ANK3: variants seen among roughly 807,000 people sequenced by gnomAD.
The protein encoded by ANK3 is ankyrin-3.
Under a neutral mutation model 370.9 loss-of-function variants are expected in ANK3, and 57 were observed. The ratio of observed to expected loss-of-function variants is 0.15; its 90% confidence interval spans 0.12 to 0.19. The LOEUF (loss-of-function observed/expected upper bound fraction) is 0.19, where lower values mean the gene tolerates loss of function less well. Among genes scored for constraint, ANK3 ranks in the 10% least tolerant of loss-of-function variants. The pLI, the probability that ANK3 is intolerant of heterozygous loss-of-function variation, is 1.00. For synonymous variants in ANK3, 1,929 were observed against 1,946.3 expected (o/e 0.99, Z 0.23); for missense variants, 4,439 against 5,302.1 (o/e 0.84, Z 5.06).
chr10:60,287,589 C>T (rs1392855060), intron 1 of ANK3, among the ~76,000 whole-genome samples: 1 of 152,214 alleles, frequency 6.6e-6, no homozygotes, highest in Non-Finnish European at 1.5e-5. Flanking sequence ...TCTTACTATA[C>T]ATGCATTATC....
intron 1 of ANK3, among the ~76,000 whole-genome samples, chr10:60,353,750 C>G (rs530871682): frequency 7.9e-5 from 12 of 152,338 alleles, no homozygotes; most frequent in African/African-American, 2.6e-4. Context: ...ATCACACGGG[C>G]AGTTTTTAGA....
chr10:60,290,378 C>T (rs922350481), intron 1 of ANK3, among the ~76,000 whole-genome samples: 9 of 147,136 alleles, frequency 6.1e-5, no homozygotes, highest in African/African-American at 2.2e-4. Flanking sequence ...TTAGGAAAGA[C>T]CTCAGATTAT....
chr10:60,245,433 A>G (rs946033544), intron 7 of ANK3, among the ~76,000 whole-genome samples: 2 of 152,210 alleles, frequency 1.3e-5, no homozygotes, highest in African/African-American at 4.8e-5. Flanking sequence ...AATCAGCAGC[A>G]GTATCTAATT....
intron 2 of ANK3, among the ~76,000 whole-genome samples, chr10:60,585,088 C>A (rs1338439178): frequency 1.3e-5 from 2 of 152,220 alleles, no homozygotes; most frequent in Non-Finnish European, 2.9e-5. Flanking sequence ...CAGCAGCCAG[C>A]ATTACCCTAA....
At chr10:60,530,839 T>C (rs2076590005) in intron 2 of ANK3, among the ~76,000 whole-genome samples, 1 of 152,138 alleles carries the variant, frequency 6.6e-6, no homozygotes, top group Non-Finnish European at 1.5e-5. Flanking sequence ...GGGGGACATA[T>C]CCACCTGGCG....
chr10:60,429,879 T>C (rs2063975795), intron 2 of ANK3, among the ~76,000 whole-genome samples: 2 of 152,222 alleles, frequency 1.3e-5, no homozygotes, highest in South Asian at 4.1e-4. Flanking sequence ...CATATTTTAA[T>C]GTAACATTTA....
chr10:60,278,923 C>T, intron 3 of ANK3, 51 bp from the exon 4 acceptor site: 2 of 1,590,646 alleles, frequency 1.3e-6, no homozygotes, highest in Non-Finnish European at 1.7e-6. Context: ...TTGAATTTTC[C>T]TGTTCTCCCC....
intron 26 of ANK3, among the ~76,000 whole-genome samples, chr10:60,112,019 C>T (rs527760090): frequency 6.6e-6 from 1 of 152,332 alleles, no homozygotes; most frequent in South Asian, 2.1e-4. Flanking sequence ...TAAGCCCACA[C>T]CTGCTGCCAT....
chr10:60,542,556 C>T (rs918497643), intron 2 of ANK3, among the ~76,000 whole-genome samples: 2 of 151,826 alleles, frequency 1.3e-5, no homozygotes, highest in African/African-American at 2.4e-5. Context: ...GGAAAAAAAT[C>T]ACAGAAAGAA....
At chr10:60,662,928 C>T (rs1315185833) in intron 1 of ANK3, among the ~76,000 whole-genome samples, 1 of 152,188 alleles carries the variant, frequency 6.6e-6, no homozygotes, top group Non-Finnish European at 1.5e-5. Context: ...ATTTACAGAA[C>T]ACTTGTGTAA....
rs764068414 is a variant in ANK3, at chr10:60,069,932, T to G, written c.10949A>C (p.Asp3650Ala). 1.2e-6 allele frequency: 2 copies of G among 1,614,036 alleles called. No individual in the cohort carries two copies. The highest frequency in any genetic ancestry group is 1.7e-6 in the Non-Finnish European group (2 of 1,179,980). ...EGKSGDQGEG[D>A]KSMVTATPQP... The stretch of plus-strand genomic sequence containing the variant: ...TGGTGTGGCAGTGACCATACTTTTA[T>G]CCCCTTCCCCCTGGTCCCCTGACTT... The change falls in exon 37 of 44, where the codon GAT becomes GCT. Residue 3650 changes from aspartate to alanine, a missense_variant. Transcript: ENST00000280772.
chr10:60,108,232 A>G (rs1400758269), intron 27 of ANK3: 3 of 447,790 alleles, frequency 6.7e-6, no homozygotes, highest in Non-Finnish European at 1.3e-5. Flanking sequence ...GGATTCGGCT[A>G]ACCAAGCTCT....
chr10:60,642,076 A>T (rs2078641631), intron 1 of ANK3, among the ~76,000 whole-genome samples: 1 of 145,060 alleles, frequency 6.9e-6, no homozygotes, highest in Admixed American at 7.0e-5. Context: ...TCAAAACCAC[A>T]ATGAGATACC....
At position 60,069,874 on chromosome 10, in the gene ANK3, G is replaced by T. The variant is rs2131966858; in HGVS notation, c.11007C>A (p.Thr3669=). 6.2e-6 allele frequency: 10 copies of T among 1,614,012 alleles called. No homozygotes were observed. The highest frequency in any genetic ancestry group is 8.5e-6 in the Non-Finnish European group (10 of 1,179,990). Residue 3669 remains threonine, a synonymous_variant, in exon 37 of 44, where the codon ACC becomes ACA. Coordinates refer to ENST00000280772, the MANE Select transcript of ANK3 (RefSeq NM_020987.5). ...GTGTCTCTACATTTCTCTCTAGATT[G>T]GTTTCTACAGTGGTGTCCCCTGACT... is the stretch of plus-strand genomic sequence containing the variant. The part of the protein sequence containing the change: ...QPQSGDTTVE[T]NLERNVETPT...
chr10:60,583,605 T>A (rs1301762866), intron 2 of ANK3, among the ~76,000 whole-genome samples: 2 of 148,116 alleles, frequency 1.4e-5, no homozygotes, highest in Non-Finnish European at 3.0e-5. Context: ...CAGGCTGGAG[T>A]GCAGTGGCGC....
At chr10:60,688,140 G>A (rs2079295889) in intron 1 of ANK3, among the ~76,000 whole-genome samples, 1 of 152,092 alleles carries the variant, frequency 6.6e-6, no homozygotes, top group African/African-American at 2.4e-5. Context: ...CGTGGTCTCG[G>A]CTCACTGCAA....
intron 2 of ANK3, among the ~76,000 whole-genome samples, chr10:60,496,732 C>CG (rs1555382768): frequency 1.5e-5 from 1 of 65,706 alleles, no homozygotes; most frequent in African/African-American, 6.2e-5. Flanking sequence ...TTTTTGAGAC[C>CG]GAAAAAAAAA....
chr10:60,408,341 G>A (rs2063494668), intron 2 of ANK3, among the ~76,000 whole-genome samples: 2 of 152,190 alleles, frequency 1.3e-5, no homozygotes, highest in Admixed American at 1.3e-4. Flanking sequence ...CTCATGAATG[G>A]TTTAGATCGT....
At position 60,069,468 on chromosome 10, in the gene ANK3, T is replaced by G. The variant is rs751696439; in HGVS notation, c.11413A>C (p.Asn3805His). Residue 3805 changes from asparagine (N) to histidine (H), a missense_variant, in exon 37 of 44, where the codon AAT (asparagine) becomes CAT (histidine). Physicochemically the swap from Asn to His is moderately conservative, Grantham distance 68. This residue lies in a region of ANK3 where 496 missense variants were observed against 529.3 expected (regional missense o/e 0.94). Coordinates refer to ENST00000280772, the MANE Select transcript of ANK3 (RefSeq NM_020987.5). The stretch of plus-strand genomic sequence containing the variant: ...GCAGAATGTTCTGTCAGAACTATAT[T>G]ACTCATAATGTTATCTGTCTGTATA... Reference protein sequence around the residue: ...STIQTDNIMSNIVLTEHSAPT... With the variant: ...STIQTDNIMSHIVLTEHSAPT... 1 of 1,613,918 alleles carries G rather than the reference T, an allele frequency of 6.2e-7. No individual in the cohort carries two copies. Among genetic ancestry groups the G allele is most frequent in the South Asian group, 1.1e-5 (1 of 91,068 alleles).
Sources: gnomAD v4.1 joint callset for allele counts (sites outside exome capture counted in the v4.1 genomes callset) on GRCh38, gnomAD v4.1.1 for gene constraint, gnomAD v4.1.1 regional missense constraint, MANE v1.5 for transcripts, NCBI Gene and HGNC (gene_info 2026-07-23, HGNC 2026-07-21) for gene names.